DGKI: variants seen among roughly 807,000 people sequenced by gnomAD.
DGKI encodes the protein DAG kinase iota.
A neutral mutation model predicts 147.5 loss-of-function variants in DGKI; 55 were observed. The ratio of observed to expected loss-of-function variants is 0.37; its 90% CI spans 0.30 to 0.47. DGKI has a LOEUF of 0.47. Among genes scored for constraint, DGKI ranks in the 20% least tolerant of loss-of-function variants. The pLI, the probability that DGKI is intolerant of heterozygous loss-of-function variation, is 1.00. For synonymous variants in DGKI, 469 were observed against 477.1 expected (o/e 0.98, Z 0.22); for missense variants, 1,007 against 1,323.8 (o/e 0.76, Z 3.71).
At chr7:137,821,728 G>T (rs1005682070) in intron 1 of DGKI, among the ~76,000 whole-genome samples, 2 of 151,926 alleles carry the variant, frequency 1.3e-5, no homozygotes, top group African/African-American at 4.8e-5. Context: ...CTTTTTGGAA[G>T]CTGCGAAGTG....
intron 18 of DGKI, among the ~76,000 whole-genome samples, chr7:137,571,524 G>A (rs900023903): frequency 6.6e-6 from 1 of 152,104 alleles, no homozygotes; most frequent in Admixed American, 6.5e-5. Context: ...CTTTCTCCTC[G>A]TTCGTTATCT....
At chr7:137,754,455 C>T (rs964325719) in intron 1 of DGKI, among the ~76,000 whole-genome samples, 3 of 152,194 alleles carry the variant, frequency 2.0e-5, no homozygotes, top group African/African-American at 7.2e-5. Context: ...GCGTGACCAG[C>T]TCAGGGTTTC....
At chr7:137,756,673 T>C (rs1795692874) in intron 1 of DGKI, among the ~76,000 whole-genome samples, 1 of 152,210 alleles carries the variant, frequency 6.6e-6, no homozygotes, top group Non-Finnish European at 1.5e-5. Flanking sequence ...ACTTCATCCA[T>C]ATCTACGATC....
At chr7:137,811,382 TCTCA>T (rs779668562) in intron 1 of DGKI, among the ~76,000 whole-genome samples, 25 of 98,556 alleles carry the variant, frequency 2.5e-4, no homozygotes, top group African/African-American at 8.0e-4. Flanking sequence ...TCTCTCTCTC[TCTCA>T]CACACACACA....
At chr7:137,467,091 C>T (rs1448335812) in intron 24 of DGKI, 149 bp from the exon 25 acceptor site, 3 of 720,414 alleles carry the variant, frequency 4.2e-6, no homozygotes, top group Non-Finnish European at 7.1e-6. Context: ...AAGAAAACCT[C>T]AGCACTTCCA....
intron 1 of DGKI, among the ~76,000 whole-genome samples, chr7:137,773,173 TACAATCATCTGCAA>T (rs1352300080): frequency 1.3e-5 from 2 of 152,164 alleles, no homozygotes; most frequent in Non-Finnish European, 2.9e-5. Flanking sequence ...TTCTGAACAG[TACAATCATCTGCAA>T]AATCCCTTGG....
intron 20 of DGKI, among the ~76,000 whole-genome samples, chr7:137,539,460 A>G (rs1483632888): frequency 6.6e-6 from 1 of 152,134 alleles, no homozygotes; most frequent in African/African-American, 2.4e-5. Flanking sequence ...ATCTAGCCCT[A>G]AACACCAGAC....
chr7:137,838,088 C>T (rs145485777), intron 1 of DGKI, among the ~76,000 whole-genome samples: 11,037 of 150,528 alleles, frequency 0.073, 586 homozygotes, highest in African/African-American at 0.15. Context: ...CTGCAACCTC[C>T]GCCTCCCGGG....
At chr7:137,493,630 C>A (rs541310227) in intron 21 of DGKI, among the ~76,000 whole-genome samples, 2 of 152,168 alleles carry the variant, frequency 1.3e-5, no homozygotes, top group East Asian at 1.9e-4. Context: ...TAATCAAACA[C>A]CCAACAACAC....
chr7:137,453,888 T>A (rs967229200), intron 27 of DGKI, among the ~76,000 whole-genome samples: 23 of 152,072 alleles, frequency 1.5e-4, no homozygotes, highest in African/African-American at 5.6e-4. Flanking sequence ...ATATATGCCT[T>A]GATGACCCCC....
chr7:137,636,926 C>T (rs1458194684), intron 6 of DGKI, among the ~76,000 whole-genome samples: 1 of 152,200 alleles, frequency 6.6e-6, no homozygotes, highest in Non-Finnish European at 1.5e-5. Context: ...TTCCTGAAGC[C>T]CTCACCAGAT....
At chr7:137,478,512 T>C (rs575269314) in intron 23 of DGKI, among the ~76,000 whole-genome samples, 32 of 152,304 alleles carry the variant, frequency 2.1e-4, no homozygotes, top group African/African-American at 6.7e-4. Context: ...CTCTAATTAG[T>C]GTTTAAAGTA....
At chr7:137,645,559 T>C in intron 5 of DGKI, 22 bp from the exon 6 acceptor site, 1 of 1,602,826 alleles carries the variant, frequency 6.2e-7, no homozygotes, top group South Asian at 1.1e-5. Context: ...CAAAATTAAA[T>C]GAATATTTTT....
At chr7:137,435,543 C>T (rs1411039055) in intron 28 of DGKI, among the ~76,000 whole-genome samples, 1 of 151,984 alleles carries the variant, frequency 6.6e-6, no homozygotes, top group Non-Finnish European at 1.5e-5. Flanking sequence ...CTCTCTAAAG[C>T]TCGAAAGCAA....
intron 20 of DGKI, among the ~76,000 whole-genome samples, chr7:137,544,110 C>A (rs1327178585): frequency 6.6e-6 from 1 of 152,062 alleles, no homozygotes. Context: ...CAAGTATGGA[C>A]AATTTACTTT....
chr7:137,648,124 G>T (rs879554551), intron 5 of DGKI, among the ~76,000 whole-genome samples: 7 of 152,114 alleles, frequency 4.6e-5, no homozygotes, highest in Admixed American at 4.6e-4. Context: ...ATATAAAAAT[G>T]TCAGACAGTA....
At position 137,552,585 on chromosome 7, in the gene DGKI, C is replaced by T. The variant is rs541070965; in HGVS notation, c.1948-17G>A. 23 of 1,612,848 alleles carry T rather than the reference C, an allele frequency of 1.4e-5. No individual in the cohort carries two copies. The highest frequency in any genetic ancestry group is 1.3e-4 in the East Asian group (6 of 44,876). On this transcript the variant is annotated splice_polypyrimidine_tract_variant and intron_variant, in intron 19 of 32. Coordinates refer to ENST00000614521, the MANE Select transcript of DGKI (RefSeq NM_001321708.2). ...CAGGGCTGCCTATAAAAACAAGAGT[C>T]AAAGGGGAGCAAGGAGTTAGTTATT...
Position 137,540,761 on chromosome 7 carries a change from C to CAAAAAAAAAAAAAAA in DGKI, c.2147+11607_2147+11608insTTTTTTTTTTTTTTT, listed in dbSNP as rs1563075671. Among the ~76,000 whole-genome samples, 3 of 35,538 alleles carry CAAAAAAAAAAAAAAA rather than the reference C, an allele frequency of 8.4e-5. 1 individual carries two copies. The highest frequency in any genetic ancestry group is 1.8e-4 in the Non-Finnish European group (2 of 10,896). 23.3% of individuals were successfully genotyped at this position (35,538 alleles called of 152,430 possible). A position where few individuals can be genotyped will look rare whatever the true frequency, so the allele number is the denominator to read the frequency against. ...GGAAACAAACATTTTAAAAACCCCCCCAAAAAAAAAAAAAAAAAAAAAAAA... is the reference window on the plus strand; with the variant it reads ...GGAAACAAACATTTTAAAAACCCCCCAAAAAAAAAAAAAAACAAAAAAAAAAAAAAAAAAAAAAAA... On this transcript the variant is annotated intron_variant, in intron 20 of 32. Transcript: ENST00000614521.
chr7:137,743,710 G>A (rs545567799), intron 1 of DGKI, among the ~76,000 whole-genome samples: 5 of 152,102 alleles, frequency 3.3e-5, no homozygotes, highest in Non-Finnish European at 4.4e-5. Flanking sequence ...TTGGCCGGGC[G>A]CGGTGGCTGA....
Sources: allele counts gnomAD v4.1 joint callset (sites outside exome capture counted in the v4.1 genomes callset), GRCh38; gene constraint gnomAD v4.1.1; transcripts MANE v1.5; gene names NCBI Gene and HGNC (gene_info 2026-07-23, HGNC 2026-07-21).